Variants in LRRC7 observed in about 807,000 individuals in gnomAD.
The protein encoded by LRRC7 is leucine-rich repeat-containing protein 7.
In LRRC7, 23 loss-of-function variants were observed where a neutral mutation model predicts 175.7. The observed-to-expected ratio is 0.13, with a 90% CI of 0.09 to 0.19. LRRC7 has a LOEUF of 0.19. Among genes scored for constraint, LRRC7 ranks in the 10% least tolerant of loss-of-function variants. The pLI, the probability that LRRC7 is intolerant of heterozygous loss-of-function variation, is 1.00. For synonymous variants in LRRC7, 685 were observed against 680.9 expected, an observed-to-expected ratio of 1.01 and a Z score of -0.09; for missense variants, 1,354 against 1,904.7, an observed-to-expected ratio of 0.71 and a Z score of 5.38.
chr1:69,793,755 T>G lies in LRRC7; in HGVS notation c.421+1595T>G, dbSNP rs1257349071. ...CTGAATTTTTTGTTGTTCTTTTGTT[T>G]ACTGCTGTATTTCCATTGCCTAAAA... On this transcript the variant is annotated intron_variant, in intron 4 of 26. Transcript: ENST00000651989. Among the ~76,000 whole-genome samples, 6 of 152,232 alleles carry G rather than the reference T, an allele frequency of 3.9e-5. No individual in the cohort carries two copies. The East Asian group carries it at 1.2e-3, about 29-fold the overall frequency.
intron 2 of LRRC7, among the ~76,000 whole-genome samples, chr1:69,722,138 CAT>C (rs36076590): frequency 0.44 from 66,381 of 150,636 alleles, 14,801 homozygotes; most frequent in Admixed American, 0.5. Context: ...CCTATGTACA[CAT>C]ATATATATAT....
At chr1:69,835,557 C>G (rs1259172668) in intron 6 of LRRC7, among the ~76,000 whole-genome samples, 1 of 151,858 alleles carries the variant, frequency 6.6e-6, no homozygotes, top group Non-Finnish European at 1.5e-5. Flanking sequence ...AGTATAAGAA[C>G]AGAGATGATC....
At chr1:69,622,699 T>A (rs992335491) in intron 1 of LRRC7, among the ~76,000 whole-genome samples, 72 of 152,180 alleles carry the variant, frequency 4.7e-4, no homozygotes, top group African/African-American at 1.7e-3. Context: ...TTTATGGGAC[T>A]CAAGGTCTCA....
At chr1:69,786,592 C>T (rs76461114) in intron 3 of LRRC7, among the ~76,000 whole-genome samples, 514 of 152,188 alleles carry the variant, frequency 3.4e-3, no homozygotes, top group African/African-American at 0.012. Context: ...CTGGGGAGTC[C>T]TCATGATCAT....
At chr1:70,076,704 T>C (rs1380960734) in intron 24 of LRRC7, among the ~76,000 whole-genome samples, 1 of 152,210 alleles carries the variant, frequency 6.6e-6, no homozygotes, top group Non-Finnish European at 1.5e-5. Flanking sequence ...TTCCCCCATC[T>C]GTGGGAATAT....
chr1:69,900,666 A>G (rs1367545306), intron 7 of LRRC7, among the ~76,000 whole-genome samples: 1 of 152,210 alleles, frequency 6.6e-6, no homozygotes, highest in Non-Finnish European at 1.5e-5. Context: ...ATGAAAATTC[A>G]AAATCCAAAT....
chr1:69,718,048 G>C (rs7418593), intron 2 of LRRC7, among the ~76,000 whole-genome samples: 1 of 141,308 alleles, frequency 7.1e-6, no homozygotes, highest in African/African-American at 2.6e-5. Flanking sequence ...AGGAGAGGGA[G>C]AAAGAAATGA....
intron 1 of LRRC7, among the ~76,000 whole-genome samples, chr1:69,672,837 C>G (rs533875253): frequency 6.6e-6 from 1 of 152,302 alleles, no homozygotes; most frequent in Admixed American, 6.5e-5. Flanking sequence ...GATATCATTT[C>G]ACTATTGAGA....
At chr1:69,936,378 G>A (rs1304805188) in intron 8 of LRRC7, among the ~76,000 whole-genome samples, 2 of 151,926 alleles carry the variant, frequency 1.3e-5, no homozygotes, top group Non-Finnish European at 2.9e-5. Context: ...ACCTTTTTAG[G>A]CATCAACATG....
intron 22 of LRRC7, among the ~76,000 whole-genome samples, chr1:70,047,986 G>T (rs1308791858): frequency 1.3e-5 from 2 of 151,686 alleles, no homozygotes; most frequent in African/African-American, 4.8e-5. Context: ...CATTCATTCA[G>T]TCATTCATTT....
At chr1:69,803,182 T>C (rs2101104597) in intron 4 of LRRC7, among the ~76,000 whole-genome samples, 1 of 151,556 alleles carries the variant, frequency 6.6e-6, no homozygotes, top group African/African-American at 2.4e-5. Context: ...AGTCTTAATA[T>C]CTGAAAATAC....
At position 69,747,958 on chromosome 1, in the gene LRRC7, T is replaced by C. The variant is rs80055510; in HGVS notation, c.101-12233T>C. 6.9e-3 allele frequency among the ~76,000 whole-genome samples: 1,058 copies of C among 152,294 alleles called. 16 individuals carry two copies. The highest frequency in any genetic ancestry group is 0.024 in the African/African-American group (997 of 41,570). ...CCTTGCAGAAGGACTCTTGAATTAA[T>C]TCTTTTATTTTAACTCTTCTTTCAC... is the stretch of plus-strand genomic sequence containing the variant. On this transcript the variant is annotated intron_variant, in intron 2 of 26. Coordinates refer to ENST00000651989, the MANE Select transcript of LRRC7 (RefSeq NM_001370785.2).
intron 1 of LRRC7, among the ~76,000 whole-genome samples, chr1:69,568,944 G>C (rs914818904): frequency 1.3e-5 from 2 of 152,206 alleles, no homozygotes; most frequent in Non-Finnish European, 2.9e-5. Context: ...TAAATGTTGG[G>C]CGCTGGTGCT....
At chr1:69,693,799 GTTGCTAAGGGTTTAAA>G (rs1662212609) in intron 2 of LRRC7, among the ~76,000 whole-genome samples, 1 of 152,168 alleles carries the variant, frequency 6.6e-6, no homozygotes, top group Non-Finnish European at 1.5e-5. Flanking sequence ...TCTGAACTGA[GTTGCTAAGGGTTTAAA>G]TTGCTCCCAT....
At chr1:69,693,867 A>G (rs1662222718) in intron 2 of LRRC7, among the ~76,000 whole-genome samples, 1 of 152,176 alleles carries the variant, frequency 6.6e-6, no homozygotes. Flanking sequence ...AACTGGCACT[A>G]TTTAACAGTA....
rs1666925171 is a variant in LRRC7, at chr1:70,137,705, T to C, written c.*15818T>C. On this transcript the variant is annotated 3_prime_UTR_variant, in exon 27 of 27. Transcript: ENST00000651989. ...GCAGACATAGATCAAGTCTCATGCA[T>C]GTCATTTAGACAGACAGCTGAAATG... Among the ~76,000 whole-genome samples the C allele has an allele frequency of 6.6e-6, 1 of 152,246 alleles. No individual in the cohort carries two copies. Among genetic ancestry groups the C allele is most frequent in the African/African-American group, 2.4e-5 (1 of 41,468 alleles).
Position 69,857,398 on chromosome 1 carries a change from T to G in LRRC7, c.647+19115T>G, listed in dbSNP as rs1371584607. 7.2e-5 allele frequency among the ~76,000 whole-genome samples: 11 copies of G among 152,324 alleles called. No individual in the cohort carries two copies. The East Asian group carries it at 7.7e-4, about 11-fold the overall frequency. ...TCAGCCCAAAATCTCCTTAAGCTGATAAGCAACTTCAGCAAACTCTCAGGA... is the reference window on the plus strand; with the variant it reads ...TCAGCCCAAAATCTCCTTAAGCTGAGAAGCAACTTCAGCAAACTCTCAGGA... On this transcript the variant is annotated intron_variant, in intron 7 of 26. Coordinates refer to ENST00000651989, the MANE Select transcript of LRRC7 (RefSeq NM_001370785.2).
intron 13 of LRRC7, among the ~76,000 whole-genome samples, chr1:70,014,919 G>A (rs1355797534): frequency 6.6e-6 from 1 of 151,894 alleles, no homozygotes; most frequent in Non-Finnish European, 1.5e-5. Flanking sequence ...ATTTATGACT[G>A]GATTGATGAT....
rs529627893 is a variant in LRRC7 at position 69,989,176 on chromosome 1, A to G, written c.931+2790A>G. On this transcript the variant is annotated intron_variant, in intron 10 of 26. Transcript: ENST00000651989. ...AAAAACCTGAGCTATGACTAAAAAT[A>G]GATGGTTAAGAAAAAGAATCAATTA... Among the ~76,000 whole-genome samples the G allele has an allele frequency of 3.3e-5, 5 of 152,324 alleles. No homozygotes were observed. In the East Asian group the frequency reaches 9.6e-4, roughly 29 times the overall value.
Sources: gnomAD v4.1 joint callset for allele counts (sites outside exome capture counted in the v4.1 genomes callset) on GRCh38, gnomAD v4.1.1 for gene constraint, MANE v1.5 for transcripts, NCBI Gene and HGNC (gene_info 2026-07-23, HGNC 2026-07-21) for gene names.